ARL5B: variants seen among roughly 807,000 people sequenced by gnomAD.
ARL5B encodes ARF like GTPase 5B.
In ARL5B, 10 loss-of-function variants were observed where a neutral mutation model predicts 26.9. The ratio of observed to expected loss-of-function variants is 0.37; its 90% CI spans 0.23 to 0.63. The LOEUF is 0.63. Ranked by LOEUF, ARL5B falls within the 30% of genes least tolerant of loss-of-function variation. The pLI, the probability that ARL5B is intolerant of heterozygous loss-of-function variation, is 0.62. For synonymous variants in ARL5B, 87 were observed against 70.4 expected, an observed-to-expected ratio of 1.24 and a Z score of -1.18; for missense variants, 167 against 213.9, an observed-to-expected ratio of 0.78 and a Z score of 1.37.
intron 3 of ARL5B, 124 bp downstream of exon 3, chr10:18,668,801 T>C: frequency 9.7e-7 from 1 of 1,029,802 alleles, no homozygotes; most frequent in Non-Finnish European, 1.3e-6. Flanking sequence ...GACGGAGTCT[T>C]GCTCTGTCGC....
chr10:18,668,755 C>G (rs948990917), intron 3 of ARL5B, 78 bp downstream of exon 3: 3 of 1,309,394 alleles, frequency 2.3e-6, no homozygotes, highest in Non-Finnish European at 1.0e-6. Flanking sequence ...TGCACCTGGG[C>G]GTATTGACAG....
chr10:18,666,818 C>T (rs1426058159), intron 2 of ARL5B, among the ~76,000 whole-genome samples, 183 bp downstream of exon 2: 3 of 151,988 alleles, frequency 2.0e-5, no homozygotes, highest in Non-Finnish European at 2.9e-5. Context: ...TTGCTAAACC[C>T]TTCACAAACA....
chr10:18,670,358 C>A (rs987343222), intron 3 of ARL5B, among the ~76,000 whole-genome samples: 1 of 152,150 alleles, frequency 6.6e-6, no homozygotes, highest in African/African-American at 2.4e-5. Context: ...CTTCTGTAAT[C>A]CCAGCACTTT....
intron 4 of ARL5B, among the ~76,000 whole-genome samples, chr10:18,673,218 C>T (rs1343262742): frequency 4.6e-5 from 7 of 151,962 alleles, no homozygotes; most frequent in South Asian, 2.1e-4. Flanking sequence ...CCCGCCACCA[C>T]GCCTGGTTAA....
At position 18,673,984 on chromosome 10, in the gene ARL5B, G is replaced by T. The variant is rs766626684; in HGVS notation, c.340G>T (p.Asp114Tyr). The change falls in exon 5 of 6, where the codon GAT (aspartate) becomes TAT (tyrosine). Residue 114 changes from aspartate to tyrosine, a missense_variant and splice_region_variant. Physicochemically the swap from Asp to Tyr is radical, Grantham distance 160. Transcript: ENST00000377275. ...EELYRMLAHE[D>Y]LRKAAVLIFA... Reference sequence around the variant, plus strand: ...TAGAAATATTTTGTCTTGATTGCAGGATTTACGGAAGGCTGCAGTCCTTAT... The same window carrying T: ...TAGAAATATTTTGTCTTGATTGCAGTATTTACGGAAGGCTGCAGTCCTTAT... 1 of 1,591,948 alleles carries T rather than the reference G, an allele frequency of 6.3e-7. No individual in the cohort carries two copies. Among genetic ancestry groups the T allele is most frequent in the Admixed American group, 1.8e-5 (1 of 55,386 alleles).
rs560568630 is a variant in ARL5B at position 18,675,594 on chromosome 10, T to C, written c.*378T>C. 1 of 197,722 alleles carries C rather than the reference T, an allele frequency of 5.1e-6. No homozygotes were observed. Among genetic ancestry groups the C allele is most frequent in the East Asian group, 1.2e-4 (1 of 8,146 alleles). The allele number at this position is 197,722 out of a possible 1,614,324, so 12.2% of individuals were successfully genotyped here. ...CCAGCACTCCCTCCCAACCAGAGAA[T>C]TACTGGTTTGATAGAGTAGTCTTGG... On this transcript the variant is annotated 3_prime_UTR_variant, in exon 6 of 6. Transcript: ENST00000377275.
chr10:18,660,131 T>C (rs1202591764), intron 1 of ARL5B, among the ~76,000 whole-genome samples: 1 of 152,116 alleles, frequency 6.6e-6, no homozygotes, highest in Non-Finnish European at 1.5e-5. Context: ...GCCAGTGCAC[T>C]TTCACTCTGA....
intron 1 of ARL5B, among the ~76,000 whole-genome samples, chr10:18,664,750 C>G (rs751160912): frequency 2.6e-5 from 4 of 152,066 alleles, no homozygotes; most frequent in African/African-American, 9.7e-5. Flanking sequence ...ACAGTAGTGT[C>G]TTAACCTAAC....
chr10:18,660,317 C>T (rs764823473), intron 1 of ARL5B, among the ~76,000 whole-genome samples: 2 of 152,082 alleles, frequency 1.3e-5, no homozygotes, highest in Non-Finnish European at 2.9e-5. Flanking sequence ...GGTAATGAGA[C>T]ACCTGGAAGT....
chr10:18,666,579 C>T lies in ARL5B; in HGVS notation c.51C>T (p.His17=). The change falls in exon 2 of 6, where the codon CAC becomes CAT. Residue 17 remains histidine (H), a synonymous_variant. Transcript: ENST00000377275. ...KLWSLFCNQE[H]KVIIVGLDNA... ...TGATTTGCTTTCTTTTTGTAGAACA[C>T]AAAGTAATTATAGTGGGACTGGATA... 1 of 1,606,342 alleles carries T rather than the reference C, an allele frequency of 6.2e-7. No homozygotes were observed.
At position 18,662,133 on chromosome 10, in the gene ARL5B, G is replaced by T. The variant is rs190833126; in HGVS notation, c.46+2450G>T. Among the ~76,000 whole-genome samples, 572 of 152,226 alleles carry T rather than the reference G, an allele frequency of 3.8e-3. 4 individuals carry two copies. The highest frequency in any genetic ancestry group is 0.013 in the African/African-American group (520 of 41,536). ...GTAACTATATTTATCTATTCCAGTG[G>T]AATTAGATATATTAGAATAACAGGC... On this transcript the variant is annotated intron_variant, in intron 1 of 5. Transcript: ENST00000377275.
rs568774025 is a variant in ARL5B, at chr10:18,677,855, G to A, written c.*2639G>A. ...CATGTATTGGTTAGCACAGTTTATA[G>A]TAAGTGAAAAGCAAGGGACCCACCT... On this transcript the variant is annotated 3_prime_UTR_variant, in exon 6 of 6. Transcript: ENST00000377275. 1.3e-5 allele frequency: 2 copies of A among 152,298 alleles called. No homozygotes were observed. Among genetic ancestry groups the A allele is most frequent in the South Asian group, 2.1e-4 (1 of 4,832 alleles). The allele number at this position is 152,298 out of a possible 1,614,324, so 9.4% of individuals were successfully genotyped here. A position where few individuals can be genotyped will look rare whatever the true frequency, so the allele number is the denominator to read the frequency against.
Position 18,681,174 on chromosome 10 carries a change from A to G in ARL5B, c.*5958A>G, listed in dbSNP as rs2059930487. 6.6e-6 allele frequency: 1 copy of G among 152,148 alleles called. No homozygotes were observed. The highest frequency in any genetic ancestry group is 6.6e-5 in the Admixed American group (1 of 15,256). 9.4% of individuals were successfully genotyped at this position (152,148 alleles called of 1,614,324 possible). A position where few individuals can be genotyped will look rare whatever the true frequency, so the allele number is the denominator to read the frequency against. ...CTCCGGTATTGTGCAGAGGAAAGAAAAATGTCTTTCACACCACAAACTGTG... is the reference window on the plus strand; with the variant it reads ...CTCCGGTATTGTGCAGAGGAAAGAAGAATGTCTTTCACACCACAAACTGTG... On this transcript the variant is annotated 3_prime_UTR_variant, in exon 6 of 6. Transcript: ENST00000377275.
chr10:18,663,546 C>CTTTTTTT (rs10645351), intron 1 of ARL5B, among the ~76,000 whole-genome samples: 27 of 97,940 alleles, frequency 2.8e-4, no homozygotes, highest in South Asian at 3.7e-4. Context: ...TTATTCTGCT[C>CTTTTTTT]TTTTTTTTTT....
chr10:18,670,354 T>C (rs2059881469), intron 3 of ARL5B, among the ~76,000 whole-genome samples: 1 of 152,196 alleles, frequency 6.6e-6, no homozygotes, highest in East Asian at 1.9e-4. Flanking sequence ...CTCACTTCTG[T>C]AATCCCAGCA....
rs573302557 is a variant in ARL5B at position 18,668,133 on chromosome 10, A to G, written c.108-397A>G. ...ATTTAGACAGTCTTCAAAATTATAG[A>G]TAGCCTGCTATCCAATATTTGCTAT... On this transcript the variant is annotated intron_variant, in intron 2 of 5. Coordinates refer to ENST00000377275, the MANE Select transcript of ARL5B (RefSeq NM_178815.5). Among the ~76,000 whole-genome samples, 17 of 152,326 alleles carry G rather than the reference A, an allele frequency of 1.1e-4. No homozygotes were observed. In the South Asian group the frequency reaches 3.3e-3, roughly 30 times the overall value.
chr10:18,675,580 T>G lies in ARL5B; in HGVS notation c.*364T>G, dbSNP rs1274407393. 5.0e-6 allele frequency: 1 copy of G among 199,240 alleles called. No homozygotes were observed. The highest frequency in any genetic ancestry group is 1.0e-5 in the Non-Finnish European group (1 of 95,320). 12.3% of individuals were successfully genotyped at this position (199,240 alleles called of 1,614,324 possible). On this transcript the variant is annotated 3_prime_UTR_variant, in exon 6 of 6. Coordinates refer to ENST00000377275, the MANE Select transcript of ARL5B (RefSeq NM_178815.5). The stretch of plus-strand genomic sequence containing the variant: ...CTTTCAATTCTTGACCAGCACTCCC[T>G]CCCAACCAGAGAATTACTGGTTTGA...
In ARL5B at chr10:18,678,695, G is replaced by A. The variant is rs2059920409; in HGVS notation, c.*3479G>A. On this transcript the variant is annotated 3_prime_UTR_variant, in exon 6 of 6. Coordinates refer to ENST00000377275, the MANE Select transcript of ARL5B (RefSeq NM_178815.5). ...AGGCAGACTTTTTGTCTACAGCTTT[G>A]GAACCAAAAAAACTTCACTCTAATT... 2 of 151,416 alleles carry A rather than the reference G, an allele frequency of 1.3e-5. No homozygotes were observed. Among genetic ancestry groups the A allele is most frequent in the South Asian group, 4.1e-4 (2 of 4,824 alleles). The allele number at this position is 151,416 out of a possible 1,614,324, so 9.4% of individuals were successfully genotyped here.
chr10:18,661,169 A>G (rs778675994), intron 1 of ARL5B, among the ~76,000 whole-genome samples: 1 of 152,204 alleles, frequency 6.6e-6, no homozygotes, highest in Non-Finnish European at 1.5e-5. Flanking sequence ...ATTTTAAGAC[A>G]TGCTTAAAGG....
Sources: gnomAD v4.1 joint callset for allele counts (sites outside exome capture counted in the v4.1 genomes callset) on GRCh38, gnomAD v4.1.1 for gene constraint, MANE v1.5 for transcripts, NCBI Gene and HGNC (gene_info 2026-07-23, HGNC 2026-07-21) for gene names.